The following SLC22A24 variants were observed in gnomAD, a reference collection of about 807,000 sequenced individuals.
The protein encoded by SLC22A24 is solute carrier family 22 member 24, also known as steroid transmembrane transporter SLC22A24.
A neutral mutation model predicts 49.8 loss-of-function variants in SLC22A24; 53 were observed. That is an observed-to-expected ratio of 1.06 (90% CI 0.85 to 1.34). The LOEUF (loss-of-function observed/expected upper bound fraction) is 1.34, where lower values mean the gene tolerates loss of function less well. Ranked by LOEUF, SLC22A24 falls within the 40% of genes most tolerant of loss-of-function variation. The pLI is 0.00. For synonymous variants in SLC22A24, 302 were observed against 256.4 expected (o/e 1.18, Z -1.70); for missense variants, 786 against 675.9 (o/e 1.16, Z -1.81).
chr11:63,095,061 G>A (rs12807319), intron 6 of SLC22A24, among the ~76,000 whole-genome samples: 81,070 of 151,874 alleles, frequency 0.53, 21,675 homozygotes, highest in African/African-American at 0.55. Context: ...TTGCCCATGC[G>A]TATGTCCTGA....
chr11:63,131,928 T>C (rs2087339081), intron 2 of SLC22A24, among the ~76,000 whole-genome samples: 4 of 152,192 alleles, frequency 2.6e-5, no homozygotes, highest in African/African-American at 9.6e-5. Flanking sequence ...ATCAATCATA[T>C]ATTTGGTCTT....
intron 7 of SLC22A24, 146 bp from the exon 8 acceptor site, chr11:63,081,812 T>C: frequency 1.5e-6 from 1 of 648,668 alleles, no homozygotes; most frequent in Non-Finnish European, 2.8e-6. Context: ...GGGGAATGGT[T>C]GCGAGGCTGA....
chr11:63,111,652 A>G (rs1265001874), intron 4 of SLC22A24, among the ~76,000 whole-genome samples: 1 of 150,282 alleles, frequency 6.7e-6, no homozygotes, highest in African/African-American at 2.4e-5. Flanking sequence ...TGTTTGTAGT[A>G]TTCTCTGATG....
At chr11:63,097,503 G>A (rs765217722) in intron 5 of SLC22A24, among the ~76,000 whole-genome samples, 3 of 152,164 alleles carry the variant, frequency 2.0e-5, no homozygotes, top group Non-Finnish European at 2.9e-5. Context: ...CATTGTGGAA[G>A]ATCGTGTGGC....
chr11:63,140,761 G>A (rs983788221), intron 1 of SLC22A24, among the ~76,000 whole-genome samples: 3 of 152,172 alleles, frequency 2.0e-5, no homozygotes, highest in African/African-American at 7.2e-5. Flanking sequence ...CATACAAGGT[G>A]CGTAGGGAAT....
chr11:63,139,768 T>C (rs1335642251), intron 1 of SLC22A24, among the ~76,000 whole-genome samples: 1 of 152,184 alleles, frequency 6.6e-6, no homozygotes, highest in African/African-American at 2.4e-5. Context: ...TGTCTTTGCC[T>C]TCAGCTGTGA....
chr11:63,088,427 G>A (rs1352392869), intron 6 of SLC22A24, among the ~76,000 whole-genome samples: 1 of 131,014 alleles, frequency 7.6e-6, no homozygotes, highest in Non-Finnish European at 1.7e-5. Context: ...CCACCTAAAG[G>A]TCATCAGCCT....
chr11:63,126,714 A>T (rs1452646165), intron 2 of SLC22A24, among the ~76,000 whole-genome samples: 1 of 152,200 alleles, frequency 6.6e-6, no homozygotes, highest in Admixed American at 6.6e-5. Flanking sequence ...TGGTAGCTTG[A>T]TGGGGATAGC....
intron 4 of SLC22A24, among the ~76,000 whole-genome samples, chr11:63,115,654 A>G (rs1216318535): frequency 6.6e-6 from 1 of 152,118 alleles, no homozygotes; most frequent in Non-Finnish European, 1.5e-5. Flanking sequence ...CATCGATCAC[A>G]CTGGGATCTG....
At chr11:63,087,919 A>G (rs1345022794) in intron 6 of SLC22A24, among the ~76,000 whole-genome samples, 2 of 152,210 alleles carry the variant, frequency 1.3e-5, no homozygotes, top group African/African-American at 4.8e-5. Context: ...TAAGAGGTTT[A>G]CAGACAAAAT....
chr11:63,129,577 A>G (rs1466504341), intron 2 of SLC22A24, among the ~76,000 whole-genome samples: 1 of 152,102 alleles, frequency 6.6e-6, no homozygotes, highest in Non-Finnish European at 1.5e-5. Flanking sequence ...CAGTAGGACC[A>G]TTTTCATGAT....
chr11:63,123,760 A>G (rs2087268433), intron 2 of SLC22A24, among the ~76,000 whole-genome samples: 1 of 151,946 alleles, frequency 6.6e-6, no homozygotes, highest in Non-Finnish European at 1.5e-5. Flanking sequence ...CTTATCAGCA[A>G]CTCTTATTGT....
In SLC22A24 at chr11:63,104,183, T is replaced by C. The variant is rs867420906; in HGVS notation, c.946A>G (p.Thr316Ala). Residue 316 changes from threonine (T) to alanine (A), a missense_variant, in exon 5 of 10, where the codon ACC (threonine) becomes GCC (alanine). By Grantham distance (58) the Thr-to-Ala change is moderately conservative. Transcript: ENST00000612278. ...TCCCCTTTCCAGATCACCTCAGTGG[T>C]CAGTGTCTCTTCAGTATTCTTTTTT... ...NGKKNTEETL[T>A]TELVRSTMKK... 1.7e-5 allele frequency: 27 copies of C among 1,549,760 alleles called. No individual in the cohort carries two copies. In the African/African-American group the frequency reaches 3.1e-4, roughly 18 times the overall value.
chr11:63,100,727 A>G (rs2087085248), intron 5 of SLC22A24, among the ~76,000 whole-genome samples: 1 of 152,138 alleles, frequency 6.6e-6, no homozygotes, highest in Non-Finnish European at 1.5e-5. Context: ...GGAACAGAGT[A>G]GACAAGCCAG....
At chr11:63,096,257 C>T (rs1217130673) in intron 5 of SLC22A24, among the ~76,000 whole-genome samples, 151 bp from the exon 6 acceptor site, 2 of 152,098 alleles carry the variant, frequency 1.3e-5, no homozygotes, top group Admixed American at 1.3e-4. Context: ...AATAATTCAT[C>T]TCATGTGTGA....
chr11:63,142,935 A>G (rs1429662999), intron 1 of SLC22A24, among the ~76,000 whole-genome samples: 1 of 152,224 alleles, frequency 6.6e-6, no homozygotes, highest in East Asian at 1.9e-4. Flanking sequence ...AGCAAAAAAC[A>G]AAAACAACCA....
rs1377661652 is a variant in SLC22A24, at chr11:63,096,122, TAAC to T, written c.955-19_955-17del. ...ATCTCACAAGCTTCAGCAACAAAAA[TAAC>T]AACAAGCATTTGTGAGATGTCAATA... On this transcript the variant is annotated splice_polypyrimidine_tract_variant and intron_variant, in intron 5 of 9. Transcript: ENST00000612278. 35 of 1,484,260 alleles carry T rather than the reference TAAC, an allele frequency of 2.4e-5. No individual in the cohort carries two copies. The highest frequency in any genetic ancestry group is 1.7e-4 in the Middle Eastern group (1 of 5,862). 91.9% of individuals were successfully genotyped at this position (1,484,260 alleles called of 1,614,324 possible).
chr11:63,096,378 C>T (rs1489765179), intron 5 of SLC22A24, among the ~76,000 whole-genome samples: 1 of 152,080 alleles, frequency 6.6e-6, no homozygotes, highest in Non-Finnish European at 1.5e-5. Flanking sequence ...AAAATATTTG[C>T]ATTATAAATC....
chr11:63,132,123 G>C (rs2087340615), intron 2 of SLC22A24, among the ~76,000 whole-genome samples: 1 of 152,084 alleles, frequency 6.6e-6, no homozygotes, highest in South Asian at 2.1e-4. Context: ...GTGGTTTTCA[G>C]CTCCATCCAG....
Sources: gnomAD v4.1 joint callset for allele counts (sites outside exome capture counted in the v4.1 genomes callset) on GRCh38, gnomAD v4.1.1 for gene constraint, MANE v1.5 for transcripts, NCBI Gene and HGNC (gene_info 2026-07-23, HGNC 2026-07-21) for gene names.